The following ALG2 variants were observed in gnomAD, a reference collection of about 807,000 sequenced individuals.
ALG2 encodes ALG2 alpha-1,3/1,6-mannosyltransferase, also known as alpha-1,3/1,6-mannosyltransferase ALG2.
ALG2 carries 32 observed loss-of-function variants against 30.5 expected under a neutral mutation model. That is an observed-to-expected ratio of 1.05 (90% CI 0.79 to 1.41). The LOEUF (loss-of-function observed/expected upper bound fraction) is 1.41, where lower values mean the gene tolerates loss of function less well. Among genes scored for constraint, ALG2 ranks in the 40% most tolerant of loss-of-function variants. ALG2 has a pLI of 0.00. For missense variants in ALG2, 574 were observed against 526.4 expected (o/e 1.09, Z -0.88); for synonymous variants, 253 against 224.8 (o/e 1.13, Z -1.12).
At position 99,218,498 on chromosome 9, in the gene ALG2, G is replaced by GC; in HGVS notation, c.686_687insG (p.Ser230LeufsTer42). ...TCTTCCTTTCGTATCTGTTGATGGA[G>GC]AGCAGCAGGAATTTTTTCCCCTTGG... is the stretch of plus-strand genomic sequence containing the variant. On this transcript the variant is annotated frameshift_variant, in exon 2 of 2. Transcript: ENST00000476832. LOFTEE classifies it high-confidence loss of function. The GC allele has an allele frequency of 6.2e-7, 1 of 1,614,176 alleles. No individual in the cohort carries two copies. Among genetic ancestry groups the GC allele is most frequent in the South Asian group, 1.1e-5 (1 of 91,080 alleles).
At chr9:99,218,948 G>T in intron 1 of ALG2, 112 bp from the exon 2 acceptor site, 2 of 1,125,548 alleles carry the variant, frequency 1.8e-6, no homozygotes, top group Non-Finnish European at 2.6e-6. Context: ...CATGGGCAAT[G>T]TCTGATTCTG....
At chr9:99,221,213 G>C in intron 1 of ALG2, 1 of 1,314,038 alleles carries the variant, frequency 7.6e-7, no homozygotes, top group Non-Finnish European at 1.0e-6. Context: ...AAAGGTGACT[G>C]AAGCTGACTT....
At position 99,218,527 on chromosome 9, in the gene ALG2, C is replaced by T. The variant is rs753200654; in HGVS notation, c.658G>A (p.Val220Ile). ...AGCAGGAATTTTTTCCCCTTGGGGACTAGGTCATCCAGCTTTTCAGGAACA... is the reference window on the plus strand; with the variant it reads ...AGCAGGAATTTTTTCCCCTTGGGGATTAGGTCATCCAGCTTTTCAGGAACA... ...SVVPEKLDDL[V>I]PKGKKFLLLS... Residue 220 changes from valine (V) to isoleucine (I), a missense_variant, in exon 2 of 2, where the codon GTC becomes ATC. By Grantham distance (29) the Val-to-Ile change is conservative. Coordinates refer to ENST00000476832, the MANE Select transcript of ALG2 (RefSeq NM_033087.4). 6.2e-7 allele frequency: 1 copy of T among 1,614,166 alleles called. No homozygotes were observed. The highest frequency in any genetic ancestry group is 1.1e-5 in the South Asian group (1 of 91,088).
In ALG2 at chr9:99,218,540, C is replaced by T; in HGVS notation, c.645G>A (p.Lys215=). The T allele has an allele frequency of 6.2e-7, 1 of 1,614,210 alleles. No homozygotes were observed. Among genetic ancestry groups the T allele is most frequent in the Non-Finnish European group, 8.5e-7 (1 of 1,180,040 alleles). Residue 215 remains lysine (K), a synonymous_variant, in exon 2 of 2, where the codon AAG becomes AAA. Coordinates refer to ENST00000476832, the MANE Select transcript of ALG2 (RefSeq NM_033087.4). ...VTSFDSVVPE[K]LDDLVPKGKK... ...TCCCCTTGGGGACTAGGTCATCCAGCTTTTCAGGAACAACTGAGTCAAAGC... is the reference window on the plus strand; with the variant it reads ...TCCCCTTGGGGACTAGGTCATCCAGTTTTTCAGGAACAACTGAGTCAAAGC...
rs1203618338 is a variant in ALG2, at chr9:99,221,518, T to G, written c.348+29A>C. The G allele has an allele frequency of 1.2e-5, 19 of 1,538,768 alleles. 1 individual carries two copies. The highest frequency in any genetic ancestry group is 4.9e-5 in the East Asian group (2 of 40,830). ...CCGCCCTCCACGGCGAGGTCCGCAC[T>G]CGCGCAGCCGGCCCCGCGGCCGCCT... On this transcript the variant is annotated intron_variant, in intron 1 of 1. Transcript: ENST00000476832.
chr9:99,220,886 C>T (rs948293537), intron 1 of ALG2: 5 of 1,248,618 alleles, frequency 4.0e-6, no homozygotes, highest in South Asian at 3.8e-5. Context: ...GTAAATGTTA[C>T]TTTTTAAAGT....
In ALG2 at chr9:99,221,844, C is replaced by T. The variant is rs754902754; in HGVS notation, c.51G>A (p.Val17=). ...CGCCCAGGTCTGGGTGGAGGAACAG[C>T]ACCGACGGCTTGGGAACCGAGTCCC... is the stretch of plus-strand genomic sequence containing the variant. ...RERDSVPKPS[V]LFLHPDLGVG... Residue 17 remains valine (V), a synonymous_variant, in exon 1 of 2, where the codon GTG becomes GTA. Coordinates refer to ENST00000476832, the MANE Select transcript of ALG2 (RefSeq NM_033087.4). 2 of 1,594,998 alleles carry T rather than the reference C, an allele frequency of 1.3e-6. No individual in the cohort carries two copies. The highest frequency in any genetic ancestry group is 3.3e-5 in the Admixed American group (2 of 59,846).
At chr9:99,220,926 GAAGGA>G in intron 1 of ALG2, 2 of 1,318,060 alleles carry the variant, frequency 1.5e-6, no homozygotes, top group Non-Finnish European at 2.0e-6. Flanking sequence ...AAAAATGCAC[GAAGGA>G]AAGAGTCAAG....
rs1015050313 is a variant in ALG2 at position 99,221,631 on chromosome 9, G to C, written c.264C>G (p.Val88=). 1.9e-6 allele frequency: 3 copies of C among 1,540,740 alleles called. No individual in the cohort carries two copies. Among genetic ancestry groups the C allele is most frequent in the African/African-American group, 1.4e-5 (1 of 72,932 alleles). The change falls in exon 1 of 2, where the codon GTC becomes GTG. Residue 88 remains valine, a synonymous_variant. Transcript: ENST00000476832. ...GLGWGGRGAA[V]CAYVRMVFLA... Reference sequence around the variant, plus strand: ...GGAAAACCATGCGCACGTAGGCGCAGACGGCGGCGCCGCGGCCGCCCCAGC... The same window carrying C: ...GGAAAACCATGCGCACGTAGGCGCACACGGCGGCGCCGCGGCCGCCCCAGC...
At chr9:99,219,031 G>T (rs1226610208) in intron 1 of ALG2, among the ~76,000 whole-genome samples, 195 bp from the exon 2 acceptor site, 1 of 152,148 alleles carries the variant, frequency 6.6e-6, no homozygotes, top group Non-Finnish European at 1.5e-5. Flanking sequence ...TGCTAGATGT[G>T]TGCTAAACAT....
At chr9:99,220,915 G>A in intron 1 of ALG2, 2 of 1,310,304 alleles carry the variant, frequency 1.5e-6, no homozygotes, top group Non-Finnish European at 2.0e-6. Flanking sequence ...TTAGGATGGG[G>A]AAAAATGCAC....
intron 1 of ALG2, among the ~76,000 whole-genome samples, chr9:99,220,455 G>A (rs1244406978): frequency 2.6e-5 from 4 of 152,096 alleles, no homozygotes; most frequent in Non-Finnish European, 5.9e-5. Context: ...GGCGGATCGC[G>A]AGGTCAGGAG....
rs1828696763 is a variant in ALG2, at chr9:99,216,697, A to G, written c.*1237T>C. ...TATATATACTATATGCCAAGTATTA[A>G]GTACTTTGTAATATTATCATAATCT... is the stretch of plus-strand genomic sequence containing the variant. On this transcript the variant is annotated 3_prime_UTR_variant, in exon 2 of 2. Transcript: ENST00000476832. The G allele has an allele frequency of 2.2e-6, 1 of 450,368 alleles. No homozygotes were observed. The highest frequency in any genetic ancestry group is 2.4e-5 in the Admixed American group (1 of 42,092). 27.9% of individuals were successfully genotyped at this position (450,368 alleles called of 1,614,324 possible). A position where few individuals can be genotyped will look rare whatever the true frequency, so the allele number is the denominator to read the frequency against.
intron 1 of ALG2, chr9:99,221,145 G>T: frequency 7.4e-7 from 1 of 1,358,922 alleles, no homozygotes; most frequent in Non-Finnish European, 9.7e-7. Context: ...GGCCTGAAAG[G>T]AGAGTCAACA....
rs1278546245 is a variant in ALG2 at position 99,221,606 on chromosome 9, G to A, written c.289C>T (p.Leu97=). 1 of 1,543,458 alleles carries A rather than the reference G, an allele frequency of 6.5e-7. No homozygotes were observed. Residue 97 remains leucine, a synonymous_variant, in exon 1 of 2, where the codon CTG becomes TTG. Coordinates refer to ENST00000476832, the MANE Select transcript of ALG2 (RefSeq NM_033087.4). The stretch of plus-strand genomic sequence containing the variant: ...GCGAGGAACAGCACGTAGAGCGCCA[G>A]GAAAACCATGCGCACGTAGGCGCAG... ...AVCAYVRMVF[L]ALYVLFLADE... is the part of the protein sequence containing the mutation.
intron 1 of ALG2, 29 bp from the exon 2 acceptor site, chr9:99,218,865 A>G: frequency 7.5e-6 from 12 of 1,599,686 alleles, no homozygotes; most frequent in South Asian, 1.1e-5. Context: ...AACAGCGGAT[A>G]AAGTGGTCAA....
chr9:99,219,919 A>G (rs752612036), intron 1 of ALG2, among the ~76,000 whole-genome samples: 1 of 152,254 alleles, frequency 6.6e-6, no homozygotes, highest in African/African-American at 2.4e-5. Context: ...GAAAGCTTCC[A>G]TGCAAGCAAG....
rs2118997149 is a variant in ALG2 at position 99,217,895 on chromosome 9, A to G, written c.*39T>C. The G allele has an allele frequency of 6.2e-7, 1 of 1,607,506 alleles. No individual in the cohort carries two copies. Among genetic ancestry groups the G allele is most frequent in the East Asian group, 2.2e-5 (1 of 44,868 alleles). On this transcript the variant is annotated 3_prime_UTR_variant, in exon 2 of 2. Coordinates refer to ENST00000476832, the MANE Select transcript of ALG2 (RefSeq NM_033087.4). ...GGTTTCAAAACTGGGTCTACAATCCATAAAAATGACATTAATGGAGATCTT... is the reference window on the plus strand; with the variant it reads ...GGTTTCAAAACTGGGTCTACAATCCGTAAAAATGACATTAATGGAGATCTT...
At position 99,221,865 on chromosome 9, in the gene ALG2, G is replaced by A; in HGVS notation, c.30C>T (p.Asp10=). The A allele has an allele frequency of 1.3e-6, 2 of 1,591,632 alleles. No homozygotes were observed. Among genetic ancestry groups the A allele is most frequent in the South Asian group, 2.2e-5 (2 of 90,454 alleles). The change falls in exon 1 of 2, where the codon GAC becomes GAT. Residue 10 remains aspartate (D), a synonymous_variant. Transcript: ENST00000476832. ...ACAGCACCGACGGCTTGGGAACCGAGTCCCGTTCCCGGCCCTGCTCCTCCG... is the reference window on the plus strand; with the variant it reads ...ACAGCACCGACGGCTTGGGAACCGAATCCCGTTCCCGGCCCTGCTCCTCCG... MAEEQGRER[D]SVPKPSVLFL...
Sources: allele counts gnomAD v4.1 joint callset (sites outside exome capture counted in the v4.1 genomes callset), GRCh38; gene constraint gnomAD v4.1.1; transcripts MANE v1.5; gene names NCBI Gene and HGNC (gene_info 2026-07-23, HGNC 2026-07-21).